SVOP: variants seen among roughly 807,000 people sequenced by gnomAD.
SVOP encodes SV2 related protein, also known as synaptic vesicle 2-related protein.
SVOP carries 17 observed loss-of-function variants against 69.1 expected under a neutral mutation model. The ratio of observed to expected loss-of-function variants is 0.25; its 90% CI spans 0.17 to 0.37. The LOEUF is 0.37. Among genes scored for constraint, SVOP ranks in the 10% least tolerant of loss-of-function variants. SVOP has a pLI of 1.00. For missense variants in SVOP, 435 were observed against 597.5 expected, an observed-to-expected ratio of 0.73 and a Z score of 2.84; for synonymous variants, 238 against 238.6, an observed-to-expected ratio of 1.00 and a Z score of 0.02.
intron 1 of SVOP, among the ~76,000 whole-genome samples, chr12:108,999,535 A>G (rs1346267272): frequency 1.5e-5 from 2 of 132,832 alleles, no homozygotes; most frequent in African/African-American, 5.5e-5. Flanking sequence ...CACCACACCT[A>G]TTCCAAAATT....
chr12:108,977,596 C>T (rs189217906), intron 3 of SVOP, 100 bp from the exon 4 acceptor site: 69 of 727,094 alleles, frequency 9.5e-5, no homozygotes, highest in Non-Finnish European at 1.5e-4. Context: ...GTAGCACACC[C>T]CTCTCTACCC....
At chr12:109,003,908 T>C (rs2040289706) in intron 1 of SVOP, among the ~76,000 whole-genome samples, 1 of 152,156 alleles carries the variant, frequency 6.6e-6, no homozygotes, top group African/African-American at 2.4e-5. Context: ...GAGCCCAACC[T>C]CCCTGCAGTT....
chr12:109,008,960 CTTTTTTTTTT>C lies in SVOP; in HGVS notation c.35+11864_35+11873del, dbSNP rs71079510. Among the ~76,000 whole-genome samples the C allele has an allele frequency of 2.7e-5, 3 of 112,732 alleles. No homozygotes were observed. The South Asian group carries it at 8.6e-4, about 32-fold the overall frequency. 74.0% of individuals were successfully genotyped at this position (112,732 alleles called of 152,430 possible). ...TTGTAACTTTTTTTTTCTTTTCTTTCTTTTTTTTTTTTTTTTTTTGAGATGGAGTCTCGCT... is the reference window on the plus strand; with the variant it reads ...TTGTAACTTTTTTTTTCTTTTCTTTCTTTTTTTTTGAGATGGAGTCTCGCT... On this transcript the variant is annotated intron_variant, in intron 1 of 15. Coordinates refer to ENST00000610966, the MANE Select transcript of SVOP (RefSeq NM_018711.5).
chr12:108,991,612 C>T (rs1490830565), intron 1 of SVOP, among the ~76,000 whole-genome samples: 7 of 151,952 alleles, frequency 4.6e-5, no homozygotes, highest in African/African-American at 7.2e-5. Context: ...TGTGCCACCA[C>T]GCCTGGCTAA....
At position 108,927,735 on chromosome 12, in the gene SVOP, G is replaced by A. The variant is rs572928384; in HGVS notation, c.1049-4938C>T. Among the ~76,000 whole-genome samples the A allele has an allele frequency of 6.5e-4, 98 of 151,776 alleles. 1 individual carries two copies. The highest frequency in any genetic ancestry group is 2.3e-3 in the African/African-American group (97 of 41,356). On this transcript the variant is annotated intron_variant, in intron 11 of 15. Transcript: ENST00000610966. The stretch of plus-strand genomic sequence containing the variant: ...CCCACTTCAGCCTCCTGAGTAGCTG[G>A]GACCACAGGCACACCAAGTCAGGCT...
intron 6 of SVOP, among the ~76,000 whole-genome samples, chr12:108,950,326 G>T (rs367914487): frequency 1.7e-4 from 25 of 148,900 alleles, no homozygotes; most frequent in African/African-American, 5.7e-4. Flanking sequence ...CAATCCTCCT[G>T]CATTTGCCTC....
chr12:108,980,906 C>G (rs1406613555), intron 2 of SVOP, among the ~76,000 whole-genome samples: 1 of 152,182 alleles, frequency 6.6e-6, no homozygotes, highest in African/African-American at 2.4e-5. Context: ...GCCTGGGTGA[C>G]AGAGTGAGTT....
rs1351752276 is a variant in SVOP at position 108,946,812 on chromosome 12, G to A, written c.579-1646C>T. On this transcript the variant is annotated intron_variant, in intron 6 of 15. Coordinates refer to ENST00000610966, the MANE Select transcript of SVOP (RefSeq NM_018711.5). ...TGGCTCACTGAAACCTCCACCTCCC[G>A]GGTTCAAGCAATTCTCCCACCTCAG... 4.0e-5 allele frequency among the ~76,000 whole-genome samples: 6 copies of A among 151,574 alleles called. No homozygotes were observed. In the East Asian group the frequency reaches 9.7e-4, roughly 24 times the overall value.
At chr12:109,017,261 C>T (rs2040372373) in intron 1 of SVOP, among the ~76,000 whole-genome samples, 1 of 151,946 alleles carries the variant, frequency 6.6e-6, no homozygotes, top group South Asian at 2.1e-4. Flanking sequence ...TGAACTGACA[C>T]ACAAGGGGTC....
intron 6 of SVOP, among the ~76,000 whole-genome samples, chr12:108,957,307 G>A (rs1391205693): frequency 6.6e-6 from 1 of 152,112 alleles, no homozygotes; most frequent in African/African-American, 2.4e-5. Flanking sequence ...GGGATTACAG[G>A]TGTGTGTCAC....
At chr12:109,003,156 A>T (rs922896123) in intron 1 of SVOP, among the ~76,000 whole-genome samples, 1 of 152,136 alleles carries the variant, frequency 6.6e-6, no homozygotes, top group African/African-American at 2.4e-5. Context: ...TTAGACAATC[A>T]TAGACATTTG....
chr12:108,909,777 A>T lies in SVOP; in HGVS notation c.*2758T>A, dbSNP rs184168579. 2 of 152,208 alleles carry T rather than the reference A, an allele frequency of 1.3e-5. No individual in the cohort carries two copies. The highest frequency in any genetic ancestry group is 2.9e-5 in the Non-Finnish European group (2 of 68,038). 9.4% of individuals were successfully genotyped at this position (152,208 alleles called of 1,614,324 possible). ...TTCGTAACTCTAAGAGAAACATGGCATTTCCATTAACGAAAATAGGAGCTT... is the reference window on the plus strand; with the variant it reads ...TTCGTAACTCTAAGAGAAACATGGCTTTTCCATTAACGAAAATAGGAGCTT... On this transcript the variant is annotated 3_prime_UTR_variant, in exon 16 of 16. Transcript: ENST00000610966.
At chr12:108,927,397 C>T (rs527296096) in intron 11 of SVOP, among the ~76,000 whole-genome samples, 22 of 152,172 alleles carry the variant, frequency 1.4e-4, no homozygotes, top group South Asian at 8.3e-4. Context: ...TATATTTGTA[C>T]GAGAGGCATG....
chr12:109,001,540 A>G (rs1184994644), intron 1 of SVOP, among the ~76,000 whole-genome samples: 52 of 144,932 alleles, frequency 3.6e-4, no homozygotes, highest in Non-Finnish European at 6.2e-4. Context: ...GAGGCATCAC[A>G]CTACCTGACT....
chr12:108,987,913 G>A (rs2040174884), intron 1 of SVOP, among the ~76,000 whole-genome samples: 1 of 92,058 alleles, frequency 1.1e-5, no homozygotes, highest in South Asian at 4.8e-4. Flanking sequence ...ATCGTTGAAT[G>A]CACCAAAGTT....
chr12:109,011,728 T>A (rs1388070268), intron 1 of SVOP, among the ~76,000 whole-genome samples: 1 of 152,116 alleles, frequency 6.6e-6, no homozygotes, highest in Non-Finnish European at 1.5e-5. Context: ...GATGAATGGA[T>A]CAAGGAAATG....
intron 6 of SVOP, among the ~76,000 whole-genome samples, chr12:108,954,023 G>A (rs1346686242): frequency 2.0e-5 from 3 of 148,272 alleles, no homozygotes; most frequent in African/African-American, 7.5e-5. Flanking sequence ...GAGGTGGGAG[G>A]ATCGCTTGAA....
rs890988827 is a variant in SVOP, at chr12:108,908,537, C to A, written c.*3998G>T. ...TCAGCTGGAAGGGAGTTGCAGCCCC[C>A]CCCTGCAGACAGGGCTGGTGTTTCT... On this transcript the variant is annotated 3_prime_UTR_variant, in exon 16 of 16. Coordinates refer to ENST00000610966, the MANE Select transcript of SVOP (RefSeq NM_018711.5). The A allele has an allele frequency of 6.6e-6, 1 of 152,210 alleles. No homozygotes were observed. Among genetic ancestry groups the A allele is most frequent in the Non-Finnish European group, 1.5e-5 (1 of 68,048 alleles). The allele number at this position is 152,210 out of a possible 1,614,324, so 9.4% of individuals were successfully genotyped here.
chr12:108,988,028 C>T (rs560345672), intron 1 of SVOP, among the ~76,000 whole-genome samples: 13 of 152,134 alleles, frequency 8.5e-5, no homozygotes, highest in African/African-American at 2.9e-4. Flanking sequence ...CTCAGGTGCT[C>T]CTCCCACCTC....
Sources: gnomAD v4.1 joint callset for allele counts (sites outside exome capture counted in the v4.1 genomes callset) on GRCh38, gnomAD v4.1.1 for gene constraint, MANE v1.5 for transcripts, NCBI Gene and HGNC (gene_info 2026-07-23, HGNC 2026-07-21) for gene names.